CD36: variants seen among roughly 807,000 people sequenced by gnomAD.
CD36 encodes the protein platelet glycoprotein 4.
Under a neutral mutation model 55.2 loss-of-function variants are expected in CD36, and 119 were observed. The observed-to-expected ratio is 2.15, with a 90% CI of 1.86 to 2.51. The LOEUF (loss-of-function observed/expected upper bound fraction) is 2.51. CD36 is among the 30% of genes most tolerant of loss of function. The pLI, the probability that CD36 is intolerant of heterozygous loss-of-function variation, is 0.00. For synonymous variants in CD36, 186 were observed against 193.6 expected (o/e 0.96, Z 0.33); for missense variants, 819 against 555.5 (o/e 1.47, Z -4.77).
upstream of CD36, among the ~76,000 whole-genome samples, chr7:80,637,566 G>A (rs911779027): frequency 4.6e-5 from 7 of 150,656 alleles, no homozygotes; most frequent in African/African-American, 1.7e-4. Context: ...AAGAGTGTTT[G>A]GGGTTTTTTT....
Position 80,670,037 on chromosome 7 carries a change from GAAGTAT to G in CD36, c.818+22_818+27del. 2 of 1,531,298 alleles carry G rather than the reference GAAGTAT, an allele frequency of 1.3e-6. No homozygotes were observed. The highest frequency in any genetic ancestry group is 9.0e-7 in the Non-Finnish European group (1 of 1,105,912). 94.9% of individuals were successfully genotyped at this position (1,531,298 alleles called of 1,614,324 possible). A position where few individuals can be genotyped will look rare whatever the true frequency, so the allele number is the denominator to read the frequency against. ...GATATTTGCAGGTAAGACAGATACT[GAAGTAT>G]AAGTATGTCTGAGTCAGACCCCAGG... On this transcript the variant is annotated intron_variant, in intron 9 of 14. Coordinates refer to ENST00000447544, the MANE Select transcript of CD36 (RefSeq NM_001001548.3).
chr7:80,673,305 A>G (rs939399085), intron 12 of CD36, 50 bp from the exon 13 acceptor site: 2 of 826,132 alleles, frequency 2.4e-6, no homozygotes, highest in African/African-American at 1.7e-5. Flanking sequence ...AGTTTGTTAT[A>G]TATAAATATT....
At chr7:80,641,406 G>A (rs998239320) in intron 1 of CD36, among the ~76,000 whole-genome samples, 9 of 151,936 alleles carry the variant, frequency 5.9e-5, no homozygotes, top group East Asian at 1.9e-4. Context: ...CATGCAAACC[G>A]TTGAATGAAT....
At chr7:80,664,069 C>T (rs1268314986) in intron 6 of CD36, among the ~76,000 whole-genome samples, 3 of 151,774 alleles carry the variant, frequency 2.0e-5, no homozygotes, top group African/African-American at 7.3e-5. Flanking sequence ...TTTAGAATAC[C>T]CCTAGAAATC....
chr7:80,648,385 C>CT (rs924722300), intron 3 of CD36, among the ~76,000 whole-genome samples: 26 of 151,978 alleles, frequency 1.7e-4, no homozygotes, highest in South Asian at 1.7e-3. Flanking sequence ...ATTTAGACTA[C>CT]TTTTTTTTGC....
Position 80,672,063 on chromosome 7 carries a change from T to C in CD36, c.1125+23T>C, listed in dbSNP as rs769830151. ...CCTGTAAGAAAACACCTTATTGATC[T>C]GATTTGGTTGATATTTTTAAAAATA... On this transcript the variant is annotated intron_variant, in intron 11 of 14. Coordinates refer to ENST00000447544, the MANE Select transcript of CD36 (RefSeq NM_001001548.3). The C allele has an allele frequency of 2.2e-5, 34 of 1,552,104 alleles. No individual in the cohort carries two copies. The African/African-American group carries it at 4.2e-4, about 19-fold the overall frequency.
chr7:80,670,512 G>C, intron 9 of CD36: 1 of 216,148 alleles, frequency 4.6e-6, no homozygotes, highest in Non-Finnish European at 9.3e-6. Flanking sequence ...CTTCATATAC[G>C]TGTATCTGGG....
At chr7:80,644,738 A>G (rs549500532) in intron 1 of CD36, among the ~76,000 whole-genome samples, 1 of 152,182 alleles carries the variant, frequency 6.6e-6, no homozygotes, top group South Asian at 2.1e-4. Flanking sequence ...TAATACACTT[A>G]CAACATTAAC....
intron 5 of CD36, chr7:80,662,181 T>G (rs1796587141): frequency 6.6e-6 from 1 of 152,402 alleles, no homozygotes; most frequent in Non-Finnish European, 1.5e-5. Context: ...GAAACAATCC[T>G]TGCTTATCGG....
At chr7:80,612,221 T>C (rs1160886963) in intron 1 of CD36, among the ~76,000 whole-genome samples, 1 of 152,218 alleles carries the variant, frequency 6.6e-6, no homozygotes, top group African/African-American at 2.4e-5. Flanking sequence ...TCTTAAGTTC[T>C]ATAATATGCT....
At chr7:80,660,228 G>A (rs189834099) in intron 4 of CD36, among the ~76,000 whole-genome samples, 3 of 152,090 alleles carry the variant, frequency 2.0e-5, no homozygotes, top group East Asian at 1.9e-4. Flanking sequence ...CCTTCACCGC[G>A]TTCCTAAAAT....
intron 1 of CD36, among the ~76,000 whole-genome samples, chr7:80,611,959 T>C (rs921049725): frequency 4.6e-5 from 7 of 152,210 alleles, no homozygotes; most frequent in South Asian, 2.1e-4. Flanking sequence ...ACAGAATGAT[T>C]TTATCTAAAG....
chr7:80,649,733 A>G (rs756899300), intron 3 of CD36, among the ~76,000 whole-genome samples: 173 of 152,108 alleles, frequency 1.1e-3, no homozygotes, highest in Non-Finnish European at 2.0e-3. Context: ...AAAACTAAAC[A>G]GTAGATTTAC....
chr7:80,603,572 C>A lies in CD36; in HGVS notation c.-184+1193C>A, dbSNP rs147499181. ...ATATATGAGACTTCTGTAATCCTGACAAGAGGAAAGGAAAAATATTTTCAA... is the reference window on the plus strand; with the variant it reads ...ATATATGAGACTTCTGTAATCCTGAAAAGAGGAAAGGAAAAATATTTTCAA... On this transcript the variant is annotated intron_variant, in intron 1 of 13. Coordinates refer to the CD36 transcript ENST00000309881. Among the ~76,000 whole-genome samples, 1,079 of 151,952 alleles carry A rather than the reference C, an allele frequency of 7.1e-3. 19 individuals carry two copies. The highest frequency in any genetic ancestry group is 0.024 in the African/African-American group (1,003 of 41,426).
chr7:80,669,082 A>G (rs1797396612), intron 8 of CD36, among the ~76,000 whole-genome samples: 1 of 152,232 alleles, frequency 6.6e-6, no homozygotes, highest in Non-Finnish European at 1.5e-5. Flanking sequence ...AAAAATCACT[A>G]CAAATAAATG....
chr7:80,658,284 T>C lies in CD36; in HGVS notation c.281+1584T>C, dbSNP rs76162022. 1.9e-4 allele frequency among the ~76,000 whole-genome samples: 25 copies of C among 131,448 alleles called. No homozygotes were observed. In the South Asian group the frequency reaches 1.9e-3, roughly 10 times the overall value. The allele number at this position is 131,448 out of a possible 152,430, so 86.2% of individuals were successfully genotyped here. A position where few individuals can be genotyped will look rare whatever the true frequency, so the allele number is the denominator to read the frequency against. On this transcript the variant is annotated intron_variant, in intron 4 of 14. Coordinates refer to ENST00000447544, the MANE Select transcript of CD36 (RefSeq NM_001001548.3). ...GGTGTACCATATATATATACACACA[T>C]ATATATATATGTATTCATAGGTGTA...
chr7:80,629,633 T>C (rs1173997402), intron 1 of CD36, among the ~76,000 whole-genome samples: 1 of 152,012 alleles, frequency 6.6e-6, no homozygotes, highest in African/African-American at 2.4e-5. Flanking sequence ...GATGTGGAGT[T>C]GTGAAGTCTT....
intron 12 of CD36, 177 bp downstream of exon 12, chr7:80,673,020 TG>T: frequency 1.7e-6 from 1 of 593,576 alleles, no homozygotes; most frequent in Non-Finnish European, 3.0e-6. Context: ...GATTTTGGAA[TG>T]GTTTTATGGT....
In CD36 at chr7:80,673,398, T is replaced by A. The variant is rs1166688649; in HGVS notation, c.1243T>A (p.Trp415Arg). Residue 415 changes from tryptophan (W) to arginine (R), a missense_variant, in exon 13 of 15, where the codon TGG (tryptophan) becomes AGG (arginine). Physicochemically the swap from Trp to Arg is moderately radical, Grantham distance 101. Transcript: ENST00000447544. Reference sequence around the variant, plus strand: ...GAGGAACTATATTGTGCCTATTCTTTGGCTTAATGAGGTTTGTATTTGCAG... The same window carrying A: ...GAGGAACTATATTGTGCCTATTCTTAGGCTTAATGAGGTTTGTATTTGCAG... Reference protein sequence around the residue: ...LKRNYIVPILWLNETGTIGDE... With the variant: ...LKRNYIVPILRLNETGTIGDE... The A allele has an allele frequency of 1.3e-5, 20 of 1,568,736 alleles. No homozygotes were observed. Among genetic ancestry groups the A allele is most frequent in the Non-Finnish European group, 1.6e-5 (18 of 1,139,476 alleles).
Sources: allele counts gnomAD v4.1 joint callset (sites outside exome capture counted in the v4.1 genomes callset), GRCh38; gene constraint gnomAD v4.1.1; transcripts MANE v1.5; gene names NCBI Gene and HGNC (gene_info 2026-07-23, HGNC 2026-07-21).